UBL7: variants seen among roughly 807,000 people sequenced by gnomAD.
The protein encoded by UBL7 is ubiquitin-like protein 7.
UBL7 carries 21 observed loss-of-function variants against 41.7 expected under a neutral mutation model. The ratio of observed to expected loss-of-function variants is 0.50; its 90% CI spans 0.36 to 0.73. The LOEUF (loss-of-function observed/expected upper bound fraction) is 0.73. Ranked by LOEUF, UBL7 falls within the 30% of genes least tolerant of loss-of-function variation. UBL7 has a pLI of 0.00. For synonymous variants in UBL7, 157 were observed against 186.9 expected (o/e 0.84, Z 1.31); for missense variants, 403 against 478.4 (o/e 0.84, Z 1.47).
intron 3 of UBL7, 142 bp downstream of exon 3, chr15:74,456,410 A>G (rs2061294881): frequency 1.8e-6 from 2 of 1,117,060 alleles, no homozygotes; most frequent in South Asian, 1.8e-5. Flanking sequence ...GTCTAATCCA[A>G]TAAGTAATAA....
chr15:74,453,140 G>C (rs370844127), intron 3 of UBL7, among the ~76,000 whole-genome samples: 99 of 152,236 alleles, frequency 6.5e-4, no homozygotes, highest in African/African-American at 1.8e-3. Context: ...TGGGGTTCAG[G>C]GTGGCAGCCA....
intron 3 of UBL7, among the ~76,000 whole-genome samples, chr15:74,454,475 T>G (rs1172166557): frequency 1.3e-5 from 2 of 152,166 alleles, no homozygotes; most frequent in Non-Finnish European, 2.9e-5. Flanking sequence ...CTCGGCTCAT[T>G]GCAACCTCTG....
chr15:74,456,758 G>T (rs2061299095), intron 2 of UBL7, 87 bp from the exon 3 acceptor site: 2 of 1,420,616 alleles, frequency 1.4e-6, no homozygotes, highest in Non-Finnish European at 1.9e-6. Context: ...TGATTAGATA[G>T]CTGGAGAATG....
intron 5 of UBL7, among the ~76,000 whole-genome samples, chr15:74,451,079 T>C (rs1281818921): frequency 6.6e-6 from 1 of 152,220 alleles, no homozygotes; most frequent in Non-Finnish European, 1.5e-5. Flanking sequence ...CCCTGCACTT[T>C]AGTCACATCA....
At chr15:74,447,566 G>C (rs1389392670) in intron 10 of UBL7, among the ~76,000 whole-genome samples, 2 of 152,098 alleles carry the variant, frequency 1.3e-5, no homozygotes, top group Admixed American at 6.5e-5. Context: ...AATTAGCCAG[G>C]CATGGTGGTG....
At chr15:74,455,877 C>T (rs1278572084) in intron 3 of UBL7, among the ~76,000 whole-genome samples, 1 of 152,070 alleles carries the variant, frequency 6.6e-6, no homozygotes, top group Non-Finnish European at 1.5e-5. Flanking sequence ...TTAATCCCAG[C>T]ACTTTGGGAG....
chr15:74,453,551 G>C (rs2061269121), intron 3 of UBL7, among the ~76,000 whole-genome samples: 1 of 152,196 alleles, frequency 6.6e-6, no homozygotes. Context: ...TTCCAAGCCT[G>C]AATGAGAACA....
chr15:74,454,138 G>A (rs2061273523), intron 3 of UBL7, among the ~76,000 whole-genome samples: 1 of 152,126 alleles, frequency 6.6e-6, no homozygotes, highest in Non-Finnish European at 1.5e-5. Flanking sequence ...TTGAATAAAT[G>A]CCCTAACCCT....
Position 74,461,078 on chromosome 15 carries a change from C to T in UBL7, c.-71G>A, listed in dbSNP as rs1034687827. ...GCTACTTGGCTGACACACATCGAGC[C>T]CGCGCTGCCCAGGGCCCCAGCGCCC... On this transcript the variant is annotated 5_prime_UTR_variant, in exon 1 of 11. Transcript: ENST00000395081. 1 of 1,014,682 alleles carries T rather than the reference C, an allele frequency of 9.9e-7. No homozygotes were observed. 62.9% of individuals were successfully genotyped at this position (1,014,682 alleles called of 1,614,324 possible). A position where few individuals can be genotyped will look rare whatever the true frequency, so the allele number is the denominator to read the frequency against.
intron 3 of UBL7, among the ~76,000 whole-genome samples, chr15:74,453,479 G>C (rs947730867): frequency 6.6e-6 from 1 of 152,142 alleles, no homozygotes; most frequent in African/African-American, 2.4e-5. Context: ...CTGCCTCCCA[G>C]AGGAGACCAT....
At chr15:74,449,435 C>T in intron 8 of UBL7, 82 bp from the exon 9 acceptor site, 1 of 1,561,108 alleles carries the variant, frequency 6.4e-7, no homozygotes, top group East Asian at 2.3e-5. Flanking sequence ...AGCAATAGTT[C>T]TTGGGGAAAC....
intron 3 of UBL7, 54 bp downstream of exon 3, chr15:74,456,498 T>A: frequency 6.2e-7 from 1 of 1,604,724 alleles, no homozygotes; most frequent in Non-Finnish European, 8.5e-7. Context: ...CACAGATCCT[T>A]CCCTTGCGGA....
intron 2 of UBL7, among the ~76,000 whole-genome samples, chr15:74,458,335 G>C (rs2061312812): frequency 6.6e-6 from 1 of 152,132 alleles, no homozygotes; most frequent in Admixed American, 6.5e-5. Context: ...GGGAGGCTGA[G>C]GCAGAATTGC....
chr15:74,454,039 C>A (rs1438996594), intron 3 of UBL7, among the ~76,000 whole-genome samples: 2 of 152,200 alleles, frequency 1.3e-5, no homozygotes, highest in Admixed American at 1.3e-4. Flanking sequence ...TGGAACGCAG[C>A]CAGCCCAGTG....
rs2061208648 is a variant in UBL7, at chr15:74,448,618, G to C, written c.883-18C>G. On this transcript the variant is annotated intron_variant, in intron 9 of 10. Transcript: ENST00000395081. ...GAATGACCCTAGAGACAAATTAGTG[G>C]TCAGTGCCACCCTCAGCGCCATCTC... The C allele has an allele frequency of 1.2e-6, 2 of 1,613,302 alleles. No homozygotes were observed.
chr15:74,459,369 C>T (rs1185135646), intron 1 of UBL7, among the ~76,000 whole-genome samples: 3 of 150,720 alleles, frequency 2.0e-5, no homozygotes, highest in Non-Finnish European at 4.4e-5. Context: ...GGCGCGATCT[C>T]GGCTCACTGC....
At position 74,456,657 on chromosome 15, in the gene UBL7, C is replaced by T; in HGVS notation, c.199G>A (p.Gly67Ser). 6.2e-7 allele frequency: 1 copy of T among 1,613,564 alleles called. No individual in the cohort carries two copies. Among genetic ancestry groups the T allele is most frequent in the Non-Finnish European group, 8.5e-7 (1 of 1,179,700 alleles). ...DPELIDLIYC[G>S]RKLKDDQTLD... is the part of the protein sequence containing the mutation. ...GTCTGGTCATCTTTTAGCTTCCGAC[C>T]ACAGTAGATCAGATCTAAAAAAAGA... is the stretch of plus-strand genomic sequence containing the variant. The change falls in exon 3 of 11, where the codon GGT becomes AGT. Residue 67 changes from glycine (G) to serine (S), a missense_variant. Coordinates refer to ENST00000395081, the MANE Select transcript of UBL7 (RefSeq NM_032907.5).
At chr15:74,449,412 T>C in intron 8 of UBL7, 59 bp from the exon 9 acceptor site, 1 of 1,586,072 alleles carries the variant, frequency 6.3e-7, no homozygotes, top group Non-Finnish European at 8.6e-7. Context: ...CCAGATGAAC[T>C]CCACCCACCT....
intron 6 of UBL7, 35 bp downstream of exon 6, chr15:74,450,767 G>C: frequency 6.2e-7 from 1 of 1,610,178 alleles, no homozygotes; most frequent in Non-Finnish European, 8.5e-7. Flanking sequence ...CACGAGGAGA[G>C]AGAAGGTACC....
Sources: gnomAD v4.1 joint callset for allele counts (sites outside exome capture counted in the v4.1 genomes callset) on GRCh38, gnomAD v4.1.1 for gene constraint, MANE v1.5 for transcripts, NCBI Gene and HGNC (gene_info 2026-07-23, HGNC 2026-07-21) for gene names.